PYY: variants seen among roughly 807,000 people sequenced by gnomAD.
PYY encodes peptide tyrosine tyrosine.
Under a neutral mutation model 10.3 loss-of-function variants are expected in PYY, and 12 were observed. The observed-to-expected ratio is 1.17, with a 90% CI of 0.75 to 1.89. The LOEUF is 1.89. PYY is among the 40% of genes most tolerant of loss of function. The pLI, the probability that PYY is intolerant of heterozygous loss-of-function variation, is 0.00. For synonymous variants in PYY, 66 were observed against 62.0 expected, an observed-to-expected ratio of 1.06 and a Z score of -0.30; for missense variants, 141 against 134.0, an observed-to-expected ratio of 1.05 and a Z score of -0.26.
chr17:43,991,982 C>A (rs2048959831), intron 1 of PYY, among the ~76,000 whole-genome samples: 1 of 151,630 alleles, frequency 6.6e-6, no homozygotes, highest in Non-Finnish European at 1.5e-5. Flanking sequence ...ATTAGCTGGG[C>A]GTGGTGGCGG....
At chr17:43,979,379 G>A (rs2143935998) in intron 1 of PYY, among the ~76,000 whole-genome samples, 1 of 152,282 alleles carries the variant, frequency 6.6e-6, no homozygotes, top group African/African-American at 2.4e-5. Context: ...ACTCACAGCT[G>A]AGCCTAATCT....
intron 1 of PYY, among the ~76,000 whole-genome samples, chr17:43,970,677 T>C (rs1395290012): frequency 3.9e-5 from 6 of 152,132 alleles, no homozygotes; most frequent in Non-Finnish European, 8.8e-5. Context: ...GCCAGCATAG[T>C]CAGGACACAG....
chr17:43,999,707 G>T (rs2049013251), intron 1 of PYY, among the ~76,000 whole-genome samples: 1 of 151,612 alleles, frequency 6.6e-6, no homozygotes, highest in South Asian at 2.1e-4. Flanking sequence ...GGCAGAGGTT[G>T]CAGTGAGCTG....
At chr17:43,967,517 C>T (rs768404069) in intron 1 of PYY, among the ~76,000 whole-genome samples, 1 of 152,158 alleles carries the variant, frequency 6.6e-6, no homozygotes, top group African/African-American at 2.4e-5. Flanking sequence ...GGGTTGGCCA[C>T]TGACTAGCTG....
At chr17:43,963,257 C>G (rs2048724650) in intron 2 of PYY, among the ~76,000 whole-genome samples, 1 of 152,076 alleles carries the variant, frequency 6.6e-6, no homozygotes, top group South Asian at 2.1e-4. Context: ...CCTGTAATCC[C>G]AGCACTTTGG....
chr17:43,963,578 G>GAAAGAAAGAAAAGA (rs879664969), intron 2 of PYY, among the ~76,000 whole-genome samples: 1 of 68,832 alleles, frequency 1.5e-5, no homozygotes, highest in African/African-American at 5.0e-5. Flanking sequence ...GGAAAAGAAA[G>GAAAGAAAGAAAAGA]AAAGAAAGAA....
At chr17:43,960,115 A>C (rs1054335808) in intron 2 of PYY, among the ~76,000 whole-genome samples, 3 of 152,224 alleles carry the variant, frequency 2.0e-5, no homozygotes, top group Non-Finnish European at 2.9e-5. Context: ...GCGGTAGCTT[A>C]AATATCATAG....
intron 1 of PYY, among the ~76,000 whole-genome samples, chr17:43,972,691 G>T (rs1163984533): frequency 2.0e-5 from 3 of 151,710 alleles, no homozygotes; most frequent in African/African-American, 7.3e-5. Context: ...ACTATACCCG[G>T]CTAATTTGTA....
chr17:43,957,476 G>A (rs2048681924), upstream of PYY, among the ~76,000 whole-genome samples: 1 of 152,110 alleles, frequency 6.6e-6, no homozygotes. Flanking sequence ...TGGTCAACAT[G>A]GTGAAACCCC....
At chr17:43,963,439 C>T (rs2341378) in intron 2 of PYY, among the ~76,000 whole-genome samples, 83,004 of 146,452 alleles carry the variant, frequency 0.57, 25,038 homozygotes, top group South Asian at 0.73. Flanking sequence ...ACCCAGGAGG[C>T]GGAGGTTACA....
chr17:43,978,217 AAGAG>A (rs990005685), intron 1 of PYY, among the ~76,000 whole-genome samples: 9 of 151,658 alleles, frequency 5.9e-5, no homozygotes, highest in East Asian at 3.9e-4. Flanking sequence ...GAAGGAAAGA[AAGAG>A]AGAGAAAGAA....
chr17:43,989,256 C>T (rs1435265073), intron 1 of PYY, among the ~76,000 whole-genome samples: 2 of 152,076 alleles, frequency 1.3e-5, no homozygotes, highest in East Asian at 2.0e-4. Context: ...CGCCTGTAGT[C>T]CCAGCTACTC....
rs531335058 is a variant in PYY, at chr17:43,973,496, C to T, written c.-462-6964G>A. Among the ~76,000 whole-genome samples, 71 of 152,202 alleles carry T rather than the reference C, an allele frequency of 4.7e-4. No individual in the cohort carries two copies. In the Middle Eastern group the frequency reaches 0.01, roughly 22 times the overall value. ...ATCTCTATTTCAATCTATTCCTATACGTTACTGAAAAACAAAGCTGGGCGT... is the reference window on the plus strand; with the variant it reads ...ATCTCTATTTCAATCTATTCCTATATGTTACTGAAAAACAAAGCTGGGCGT... On this transcript the variant is annotated intron_variant, in intron 1 of 6. Transcript: ENST00000360085.
At chr17:43,962,807 C>T (rs2048721670) in intron 2 of PYY, among the ~76,000 whole-genome samples, 2 of 152,188 alleles carry the variant, frequency 1.3e-5, no homozygotes, top group Non-Finnish European at 2.9e-5. Context: ...ACAGCCATCA[C>T]AGTAGCAGGC....
At chr17:43,972,980 C>T (rs140089989) in intron 1 of PYY, among the ~76,000 whole-genome samples, 4,628 of 151,112 alleles carry the variant, frequency 0.031, 236 homozygotes, top group African/African-American at 0.11. Context: ...CCCAAAGTGC[C>T]GGGATTACAG....
At position 43,965,151 on chromosome 17, in the gene PYY, TC is replaced by T. The variant is rs568765730; in HGVS notation, c.-218+1136del. On this transcript the variant is annotated intron_variant, in intron 2 of 6. Coordinates refer to the PYY transcript ENST00000360085. ...TTTCCTTTTCTTTTCTCTTTTTTTT[TC>T]TTCCAGGTTTATTCTGGAATAATGG... is the stretch of plus-strand genomic sequence containing the variant. Among the ~76,000 whole-genome samples, 27 of 151,590 alleles carry T rather than the reference TC, an allele frequency of 1.8e-4. 1 individual carries two copies. The South Asian group carries it at 3.8e-3, about 21-fold the overall frequency.
intron 1 of PYY, among the ~76,000 whole-genome samples, chr17:43,991,171 TG>T (rs1763372873): frequency 6.6e-6 from 1 of 151,894 alleles, no homozygotes; most frequent in African/African-American, 2.4e-5. Flanking sequence ...GGCTCATGCC[TG>T]TAATTCCAGC....
intron 1 of PYY, among the ~76,000 whole-genome samples, chr17:43,989,408 T>C (rs958619041): frequency 9.9e-5 from 15 of 151,470 alleles, no homozygotes; most frequent in Non-Finnish European, 2.1e-4. Context: ...AAAACACACA[T>C]AACATAAAAT....
At chr17:43,962,981 G>A (rs2048722825) in intron 2 of PYY, among the ~76,000 whole-genome samples, 1 of 152,110 alleles carries the variant, frequency 6.6e-6, no homozygotes, top group Non-Finnish European at 1.5e-5. Context: ...GACAAGAAAA[G>A]GGGGAGAAAG....
Sources: allele counts gnomAD v4.1 joint callset (sites outside exome capture counted in the v4.1 genomes callset), GRCh38; gene constraint gnomAD v4.1.1; transcripts MANE v1.5; gene names NCBI Gene and HGNC (gene_info 2026-07-23, HGNC 2026-07-21).